Variants in FSHR observed in about 807,000 individuals in gnomAD.
FSHR encodes follicle-stimulating hormone receptor.
FSHR carries 46 observed loss-of-function variants against 52.1 expected under a neutral mutation model. The observed-to-expected ratio is 0.88, with a 90% CI of 0.70 to 1.13. FSHR has a LOEUF of 1.13. FSHR is among the 50% of genes most tolerant of loss of function. FSHR has a pLI of 0.00. For missense variants in FSHR, 964 were observed against 834.6 expected (o/e 1.16, Z -1.91); for synonymous variants, 399 against 309.6 (o/e 1.29, Z -3.03).
intron 8 of FSHR, among the ~76,000 whole-genome samples, chr2:48,980,855 C>T (rs1350489227): frequency 1.3e-5 from 2 of 151,974 alleles, no homozygotes; most frequent in African/African-American, 4.8e-5. Context: ...GGATCTCATC[C>T]AACTTCATTA....
intron 6 of FSHR, among the ~76,000 whole-genome samples, chr2:48,984,873 C>T (rs1156716443): frequency 6.6e-6 from 1 of 152,140 alleles, no homozygotes; most frequent in East Asian, 1.9e-4. Context: ...ATTCAAATAT[C>T]CCTTTGTCTT....
intron 1 of FSHR, among the ~76,000 whole-genome samples, chr2:49,090,648 G>T (rs1417468454): frequency 1.3e-5 from 2 of 152,094 alleles, no homozygotes; most frequent in East Asian, 1.9e-4. Flanking sequence ...GAAATTACTG[G>T]GTCACATGAT....
At chr2:48,971,376 T>G (rs1039741349) in intron 8 of FSHR, among the ~76,000 whole-genome samples, 3 of 152,208 alleles carry the variant, frequency 2.0e-5, no homozygotes, top group Non-Finnish European at 2.9e-5. Context: ...CAGCTCTCGT[T>G]GAACAGATCC....
At chr2:49,076,503 A>G (rs960600170) in intron 1 of FSHR, among the ~76,000 whole-genome samples, 6 of 152,218 alleles carry the variant, frequency 3.9e-5, no homozygotes, top group African/African-American at 1.4e-4. Flanking sequence ...TCAAGATAAG[A>G]GTTGAGTGGG....
intron 6 of FSHR, among the ~76,000 whole-genome samples, chr2:48,986,636 T>G (rs1675528894): frequency 6.6e-6 from 1 of 152,230 alleles, no homozygotes; most frequent in Non-Finnish European, 1.5e-5. Context: ...AGAAAACTCC[T>G]TTCCTGAAAA....
intron 1 of FSHR, among the ~76,000 whole-genome samples, chr2:49,127,902 T>TCTTCTTCTTCTTCTTC (rs1476153675): frequency 1.1e-4 from 14 of 132,612 alleles, no homozygotes; most frequent in African/African-American, 4.3e-4. Context: ...CTTCTTCTTT[T>TCTTCTTCTTCTTCTTC]TTTTTTTTGA....
intron 1 of FSHR, among the ~76,000 whole-genome samples, chr2:49,121,085 C>T (rs1045661831): frequency 6.6e-6 from 1 of 152,170 alleles, no homozygotes; most frequent in Non-Finnish European, 1.5e-5. Context: ...TGCTAAACCA[C>T]GTGACAAGCT....
chr2:49,032,128 C>G (rs1668122183), intron 2 of FSHR, among the ~76,000 whole-genome samples: 1 of 152,180 alleles, frequency 6.6e-6, no homozygotes, highest in Non-Finnish European at 1.5e-5. Context: ...GAAAGAAACC[C>G]CATTCCAATT....
intron 2 of FSHR, among the ~76,000 whole-genome samples, chr2:49,042,183 T>A (rs142698644): frequency 8.5e-5 from 13 of 152,310 alleles, no homozygotes; most frequent in Middle Eastern, 3.4e-3. Flanking sequence ...TTCTTCCATA[T>A]CATATTGCAT....
intron 4 of FSHR, among the ~76,000 whole-genome samples, chr2:49,003,835 C>G (rs1301721839): frequency 6.6e-6 from 1 of 150,392 alleles, no homozygotes; most frequent in Non-Finnish European, 1.5e-5. Flanking sequence ...TCTCCCTTCT[C>G]TCCATGTCCT....
chr2:48,981,177 C>T lies in FSHR; in HGVS notation c.668+1735G>A, dbSNP rs78212663. Among the ~76,000 whole-genome samples the T allele has an allele frequency of 3.1e-3, 474 of 152,308 alleles. 6 individuals carry two copies. The highest frequency in any genetic ancestry group is 0.011 in the African/African-American group (459 of 41,552). Reference sequence around the variant, plus strand: ...GAGTACATGGACTATATGCCCAACACTCTCCATTTGTTAGCCCTGGGTCCT... The same window carrying T: ...GAGTACATGGACTATATGCCCAACATTCTCCATTTGTTAGCCCTGGGTCCT... On this transcript the variant is annotated intron_variant, in intron 8 of 9. Coordinates refer to ENST00000406846, the MANE Select transcript of FSHR (RefSeq NM_000145.4).
At chr2:49,007,040 G>C (rs1368366225) in intron 4 of FSHR, among the ~76,000 whole-genome samples, 1 of 152,056 alleles carries the variant, frequency 6.6e-6, no homozygotes, top group African/African-American at 2.4e-5. Context: ...ATTGTTGAAT[G>C]ATTGGCTGAG....
intron 4 of FSHR, among the ~76,000 whole-genome samples, chr2:49,016,093 A>G (rs1667482398): frequency 1.3e-5 from 2 of 152,180 alleles, no homozygotes; most frequent in Admixed American, 1.3e-4. Flanking sequence ...AAGGCACATG[A>G]TGGCCCAGTG....
chr2:48,969,824 C>A (rs568862752), intron 8 of FSHR, among the ~76,000 whole-genome samples: 1 of 152,164 alleles, frequency 6.6e-6, no homozygotes, highest in Non-Finnish European at 1.5e-5. Context: ...GTGATGTGGG[C>A]GCTTTTCTGG....
intron 1 of FSHR, among the ~76,000 whole-genome samples, chr2:49,092,378 T>A (rs1670645463): frequency 6.6e-6 from 1 of 152,174 alleles, no homozygotes. Flanking sequence ...TTTCTTGCCT[T>A]ATTACCCTAG....
At chr2:49,122,259 T>G (rs1671844049) in intron 1 of FSHR, among the ~76,000 whole-genome samples, 2 of 152,210 alleles carry the variant, frequency 1.3e-5, no homozygotes, top group Admixed American at 1.3e-4. Context: ...GGGCATATTC[T>G]TGGCTTACAC....
chr2:48,970,377 C>G (rs1475309254), intron 8 of FSHR, among the ~76,000 whole-genome samples: 1 of 152,138 alleles, frequency 6.6e-6, no homozygotes, highest in African/African-American at 2.4e-5. Flanking sequence ...CATGTCTTAG[C>G]TCTGATCTCC....
intron 4 of FSHR, among the ~76,000 whole-genome samples, chr2:49,012,081 G>A (rs1187310356): frequency 6.6e-6 from 1 of 152,070 alleles, no homozygotes; most frequent in Non-Finnish European, 1.5e-5. Flanking sequence ...ACATCTGAGT[G>A]GAAGATGGTT....
chr2:48,997,355 G>A (rs369318515), intron 4 of FSHR: 1 of 984,978 alleles, frequency 1.0e-6, no homozygotes, highest in African/African-American at 1.7e-5. Context: ...AAACTCCTTA[G>A]TAATCAGGGG....
Sources: gnomAD v4.1 joint callset for allele counts (sites outside exome capture counted in the v4.1 genomes callset) on GRCh38, gnomAD v4.1.1 for gene constraint, MANE v1.5 for transcripts, NCBI Gene and HGNC (gene_info 2026-07-23, HGNC 2026-07-21) for gene names.